MAP1B: variants seen among roughly 807,000 people sequenced by gnomAD.
The protein encoded by MAP1B is microtubule-associated protein 1B.
Under a neutral mutation model 176.1 loss-of-function variants are expected in MAP1B, and 12 were observed. The ratio of observed to expected loss-of-function variants is 0.07; its 90% CI spans 0.04 to 0.11. The LOEUF is 0.11. Ranked by LOEUF, MAP1B falls within the 10% of genes least tolerant of loss-of-function variation. The pLI, the probability that MAP1B is intolerant of heterozygous loss-of-function variation, is 1.00. For synonymous variants in MAP1B, 1,044 were observed against 1,135.0 expected, an observed-to-expected ratio of 0.92 and a Z score of 1.61; for missense variants, 2,523 against 2,990.5, an observed-to-expected ratio of 0.84 and a Z score of 3.65.
In MAP1B at chr5:72,197,774, C is replaced by G; in HGVS notation, c.4419C>G (p.Gly1473=). Residue 1473 remains glycine (G), a synonymous_variant, in exon 5 of 7, where the codon GGC becomes GGG. Coordinates refer to ENST00000296755, the MANE Select transcript of MAP1B (RefSeq NM_005909.5). ...TTGCACCAATAAAAGAAGACTTTGG[C>G]CAAGAAAAGAAAACTGATGATGTTG... is the stretch of plus-strand genomic sequence containing the variant. ...TDFAPIKEDF[G]QEKKTDDVEA... 1 of 1,614,112 alleles carries G rather than the reference C, an allele frequency of 6.2e-7. No individual in the cohort carries two copies. Among genetic ancestry groups the G allele is most frequent in the Non-Finnish European group, 8.5e-7 (1 of 1,180,012 alleles).
At position 72,207,632 on chromosome 5, in the gene MAP1B, A is replaced by G. The variant is rs572307662; in HGVS notation, c.*2393A>G. 2 of 152,354 alleles carry G rather than the reference A, an allele frequency of 1.3e-5. No homozygotes were observed. The highest frequency in any genetic ancestry group is 3.9e-4 in the East Asian group (2 of 5,188). The allele number at this position is 152,354 out of a possible 1,614,324, so 9.4% of individuals were successfully genotyped here. A position where few individuals can be genotyped will look rare whatever the true frequency, so the allele number is the denominator to read the frequency against. ...TGATGGAAAAGTCATTGTGACGCCA[A>G]TGAATTTCATTGAGTATAAACTCAT... On this transcript the variant is annotated 3_prime_UTR_variant, in exon 7 of 7. Coordinates refer to ENST00000296755, the MANE Select transcript of MAP1B (RefSeq NM_005909.5).
At chr5:72,180,909 C>T (rs1203724844) in intron 2 of MAP1B, among the ~76,000 whole-genome samples, 1 of 152,144 alleles carries the variant, frequency 6.6e-6, no homozygotes, top group East Asian at 1.9e-4. Context: ...AATTTTAGTT[C>T]CAGTAACCAA....
chr5:72,203,426 C>T, intron 5 of MAP1B, 137 bp from the exon 6 acceptor site: 1 of 704,178 alleles, frequency 1.4e-6, no homozygotes. Flanking sequence ...GATGGAAATG[C>T]TGTCACCACT....
At chr5:72,111,102 C>CT (rs111406578) in intron 1 of MAP1B, among the ~76,000 whole-genome samples, 5,441 of 152,228 alleles carry the variant, frequency 0.036, 354 homozygotes, top group African/African-American at 0.12. Flanking sequence ...TTGGCACCTC[C>CT]TTTTTCTCCT....
chr5:72,186,730 C>G lies in MAP1B; in HGVS notation c.486C>G (p.Phe162Leu). Residue 162 changes from phenylalanine (F) to leucine (L), a missense_variant, in exon 4 of 7, where the codon TTC becomes TTG. Physicochemically the swap from Phe to Leu is conservative, Grantham distance 22. Around this residue, in one of 4 missense-constraint regions of MAP1B, gnomAD observed 307 missense variants for 438.4 expected, o/e 0.70. Transcript: ENST00000296755. This position sits in a 1 kb window ranked among gnomAD's most constrained non-coding sequence, Gnocchi z 4.3. ...CCGGCTCTTTCTCCTTCCAGAACTT[C>G]ATAGAGATTTTCACCGATCAAGAGG... ...LQSGSFSFQN[F>L]IEIFTDQEIG... 6.2e-7 allele frequency: 1 copy of G among 1,614,140 alleles called. No homozygotes were observed. Among genetic ancestry groups the G allele is most frequent in the Non-Finnish European group, 8.5e-7 (1 of 1,180,034 alleles).
intron 2 of MAP1B, among the ~76,000 whole-genome samples, chr5:72,181,103 G>A (rs1401564651): frequency 2.6e-5 from 4 of 152,192 alleles, no homozygotes; most frequent in African/African-American, 7.2e-5. Flanking sequence ...AGGATTAAAC[G>A]AAGCCATGTA....
intron 4 of MAP1B, among the ~76,000 whole-genome samples, chr5:72,191,501 G>A (rs1011239452): frequency 1.3e-5 from 2 of 152,216 alleles, no homozygotes; most frequent in Non-Finnish European, 1.5e-5. Context: ...CCACAGGTCT[G>A]GAAAGAGGCT....
chr5:72,175,725 A>G (rs566186470), intron 2 of MAP1B, among the ~76,000 whole-genome samples: 1 of 152,332 alleles, frequency 6.6e-6, no homozygotes, highest in Non-Finnish European at 1.5e-5. Context: ...AGCAGGTCAA[A>G]TGAGAATCCT....
chr5:72,198,053 A>G lies in MAP1B; in HGVS notation c.4698A>G (p.Thr1566=), dbSNP rs747853377. 9 of 1,614,088 alleles carry G rather than the reference A, an allele frequency of 5.6e-6. No homozygotes were observed. Among genetic ancestry groups the G allele is most frequent in the Admixed American group, 1.7e-5 (1 of 60,002 alleles). ...SVATSSFPEP[T]TDDVSPSLHA... ...CTACGAGCTCATTTCCAGAGCCAACAACAGATGATGTGTCTCCATCTCTGC... is the reference window on the plus strand; with the variant it reads ...CTACGAGCTCATTTCCAGAGCCAACGACAGATGATGTGTCTCCATCTCTGC... Residue 1566 remains threonine, a synonymous_variant, in exon 5 of 7, where the codon ACA becomes ACG. Transcript: ENST00000296755.
intron 2 of MAP1B, among the ~76,000 whole-genome samples, chr5:72,181,723 A>AT (rs33951504): frequency 0.38 from 53,056 of 138,332 alleles, 10,738 homozygotes; most frequent in East Asian, 0.63. Flanking sequence ...ACACCCAGCT[A>AT]TTTTTTTTTT....
chr5:72,164,117 G>A (rs1295446718), intron 2 of MAP1B, among the ~76,000 whole-genome samples: 5 of 151,260 alleles, frequency 3.3e-5, no homozygotes, highest in Admixed American at 2.0e-4. Context: ...TTTTTGTAGA[G>A]GCAGAGTCTT....
At chr5:72,169,317 TTA>T (rs1746490557) in intron 2 of MAP1B, 1 of 152,186 alleles carries the variant, frequency 6.6e-6, no homozygotes, top group Non-Finnish European at 1.5e-5. Context: ...TTCTTTTTAA[TTA>T]TTTATGCATG....
At chr5:72,192,519 C>T (rs896171683) in intron 4 of MAP1B, among the ~76,000 whole-genome samples, 1 of 152,168 alleles carries the variant, frequency 6.6e-6, no homozygotes, top group African/African-American at 2.4e-5. Context: ...TGCAATATTG[C>T]AGTCGAATAT....
chr5:72,107,588 C>T lies in MAP1B; in HGVS notation c.57C>T (p.Asn19=), dbSNP rs1280057132. The change falls in exon 1 of 7, where the codon AAC becomes AAT. Residue 19 remains asparagine (N), a synonymous_variant. Transcript: ENST00000296755. ...CGGAGCCGTCCGGCAGCATCGCCAA[C>T]CCGGCGGCGTCCACCTCGCCTAGCC... ...TEPEPSGSIA[N]PAASTSPSLS... is the part of the protein sequence containing the mutation. The T allele has an allele frequency of 6.3e-7, 1 of 1,593,410 alleles. No individual in the cohort carries two copies. Among genetic ancestry groups the T allele is most frequent in the African/African-American group, 1.3e-5 (1 of 74,826 alleles).
intron 2 of MAP1B, among the ~76,000 whole-genome samples, chr5:72,155,727 A>G (rs1271490932): frequency 1.3e-5 from 2 of 151,784 alleles, no homozygotes; most frequent in Non-Finnish European, 2.9e-5. Flanking sequence ...AGAAAATCTG[A>G]AAGCGTACAA....
chr5:72,124,830 C>G (rs566193302), intron 2 of MAP1B, among the ~76,000 whole-genome samples: 1 of 152,340 alleles, frequency 6.6e-6, no homozygotes, highest in African/African-American at 2.4e-5. Flanking sequence ...AGCTATTCCC[C>G]TGAGGGAGCA....
intron 2 of MAP1B, among the ~76,000 whole-genome samples, chr5:72,143,636 C>G (rs1432513888): frequency 6.6e-6 from 1 of 152,102 alleles, no homozygotes; most frequent in Non-Finnish European, 1.5e-5. Context: ...ATGTTAGTTC[C>G]CCAGGGCTGC....
intron 2 of MAP1B, among the ~76,000 whole-genome samples, chr5:72,170,682 A>G (rs1469534799): frequency 6.6e-6 from 1 of 152,166 alleles, no homozygotes. Flanking sequence ...TAATATAGCC[A>G]GACGCGGTTG....
rs1747262707 is a variant in MAP1B, at chr5:72,199,195, C to T, written c.5840C>T (p.Thr1947Ile). ...DYSYEIIEKT[T>I]RTPEEGGYSY... ...TCCTATGAAATTATTGAGAAGACCA[C>T]ACGGACCCCTGAAGAGGGTGGGTAC... Residue 1947 changes from threonine to isoleucine, a missense_variant, in exon 5 of 7, where the codon ACA (threonine) becomes ATA (isoleucine). Physicochemically the swap from Thr to Ile is moderately conservative, Grantham distance 89 (BLOSUM62 -1). Coordinates refer to ENST00000296755, the MANE Select transcript of MAP1B (RefSeq NM_005909.5). This position sits in a 1 kb window ranked among gnomAD's most constrained non-coding sequence, Gnocchi z 4.2. 1 of 1,614,090 alleles carries T rather than the reference C, an allele frequency of 6.2e-7. No individual in the cohort carries two copies. The highest frequency in any genetic ancestry group is 1.7e-5 in the Admixed American group (1 of 60,026).
Sources: allele counts gnomAD v4.1 joint callset (sites outside exome capture counted in the v4.1 genomes callset), GRCh38; gene constraint gnomAD v4.1.1; regional missense constraint gnomAD v4.1.1; non-coding constraint Gnocchi (gnomAD v3.1); transcripts MANE v1.5; gene names NCBI Gene and HGNC (gene_info 2026-07-23, HGNC 2026-07-21).